EDARADD: variants seen among roughly 807,000 people sequenced by gnomAD.
The protein encoded by EDARADD is ectodysplasin-A receptor-associated adapter protein.
A neutral mutation model predicts 25.6 loss-of-function variants in EDARADD; 20 were observed. The ratio of observed to expected loss-of-function variants is 0.78; its 90% confidence interval spans 0.55 to 1.14. The LOEUF is 1.14. EDARADD is among the 50% of genes most tolerant of loss of function. EDARADD has a pLI of 0.00. For missense variants in EDARADD, 225 were observed against 270.1 expected, an observed-to-expected ratio of 0.83 and a Z score of 1.17; for synonymous variants, 86 against 94.4, an observed-to-expected ratio of 0.91 and a Z score of 0.52.
intron 3 of EDARADD, among the ~76,000 whole-genome samples, chr1:236,357,728 C>T (rs769257183): frequency 3.3e-5 from 5 of 151,922 alleles, no homozygotes; most frequent in Non-Finnish European, 5.9e-5. Context: ...AGAATAGCAC[C>T]GAGACGTGAG....
intron 4 of EDARADD, among the ~76,000 whole-genome samples, chr1:236,428,549 A>G (rs1421398257): frequency 2.8e-5 from 4 of 144,178 alleles, no homozygotes; most frequent in East Asian, 4.0e-4. Context: ...TGGGGCGGCC[A>G]GTCAGAGACA....
chr1:236,399,457 G>T (rs1667577691), intron 1 of EDARADD, among the ~76,000 whole-genome samples: 1 of 152,196 alleles, frequency 6.6e-6, no homozygotes, highest in African/African-American at 2.4e-5. Flanking sequence ...AAAGTGCTGG[G>T]ATTACAGGCA....
intron 4 of EDARADD, among the ~76,000 whole-genome samples, chr1:236,444,675 C>T (rs563983659): frequency 3.3e-4 from 51 of 152,274 alleles, no homozygotes; most frequent in African/African-American, 3.4e-4. Flanking sequence ...CCGCCCAACT[C>T]GGTCTCCCAA....
At chr1:236,363,058 G>T (rs1397558213) in intron 3 of EDARADD, among the ~76,000 whole-genome samples, 1 of 115,140 alleles carries the variant, frequency 8.7e-6, no homozygotes, top group Non-Finnish European at 1.7e-5. Context: ...ACAGAGTCTT[G>T]CTATGTTGCC....
rs1491209791 is a variant in EDARADD at position 236,464,251 on chromosome 1, TTA to T, written c.220-3978_220-3977del. ...AGAGCCCATCACCTTTCTGCAAGTA[TTA>T]TTTTTTTTTTTTTGGAGATGGAGTC... On this transcript the variant is annotated intron_variant, in intron 4 of 5. Coordinates refer to ENST00000334232, the MANE Select transcript of EDARADD (RefSeq NM_145861.4). 5.8e-4 allele frequency among the ~76,000 whole-genome samples: 28 copies of T among 48,566 alleles called. 6 individuals carry two copies. Among genetic ancestry groups the T allele is most frequent in the Admixed American group, 1.1e-3 (5 of 4,604 alleles). The allele number at this position is 48,566 out of a possible 152,430, so 31.9% of individuals were successfully genotyped here. A position where few individuals can be genotyped will look rare whatever the true frequency, so the allele number is the denominator to read the frequency against.
At chr1:236,466,966 C>T (rs1490526932) in intron 4 of EDARADD, among the ~76,000 whole-genome samples, 3 of 151,948 alleles carry the variant, frequency 2.0e-5, no homozygotes, top group Admixed American at 6.6e-5. Flanking sequence ...ACTTGGGAGG[C>T]TGAGGCAGGA....
chr1:236,388,173 CTT>C (rs1185852542), intron 3 of EDARADD, among the ~76,000 whole-genome samples: 3 of 151,942 alleles, frequency 2.0e-5, no homozygotes, highest in Non-Finnish European at 4.4e-5. Context: ...TTTGAACTGT[CTT>C]TTGACCATTT....
chr1:236,467,825 A>C (rs1659257026), intron 4 of EDARADD, among the ~76,000 whole-genome samples: 1 of 151,784 alleles, frequency 6.6e-6, no homozygotes, highest in African/African-American at 2.4e-5. Flanking sequence ...TGTCTCAATC[A>C]TAGCTCACTG....
intron 3 of EDARADD, among the ~76,000 whole-genome samples, chr1:236,378,002 TG>T (rs1335976006): frequency 6.6e-6 from 1 of 152,080 alleles, no homozygotes; most frequent in African/African-American, 2.4e-5. Flanking sequence ...GCTGTTAAGG[TG>T]TCGGGGGAGA....
Position 236,483,007 on chromosome 1 carries a change from G to T in EDARADD, c.*358G>T, listed in dbSNP as rs761943296. ...TAAATAGGTCCTGAGACTGTTGATA[G>T]CCCCAGACATACCCACAGCATTATA... On this transcript the variant is annotated 3_prime_UTR_variant, in exon 6 of 6. Coordinates refer to ENST00000334232, the MANE Select transcript of EDARADD (RefSeq NM_145861.4). 8.1e-6 allele frequency: 5 copies of T among 619,390 alleles called. No homozygotes were observed. Among genetic ancestry groups the T allele is most frequent in the Non-Finnish European group, 5.6e-6 (2 of 354,046 alleles). The allele number at this position is 619,390 out of a possible 1,614,324, so 38.4% of individuals were successfully genotyped here.
intron 1 of EDARADD, among the ~76,000 whole-genome samples, chr1:236,405,773 CTTTCTTTCTTTCTTTCT>C (rs775455757): frequency 0.1 from 6,506 of 65,072 alleles, 543 homozygotes; most frequent in Non-Finnish European, 0.13. Context: ...TTCTTTCTTT[CTTTCTTTCTTTCTTTCT>C]TTTCTTTTTC....
chr1:236,357,634 G>A (rs1032638324), intron 3 of EDARADD, among the ~76,000 whole-genome samples: 11 of 152,030 alleles, frequency 7.2e-5, no homozygotes, highest in African/African-American at 2.7e-4. Context: ...CTTAACATGA[G>A]GAAAGCAGGA....
intron 4 of EDARADD, among the ~76,000 whole-genome samples, chr1:236,459,611 C>CTTTTTT (rs397860471): frequency 3.0e-5 from 3 of 100,460 alleles, no homozygotes; most frequent in Non-Finnish European, 4.1e-5. Flanking sequence ...TTATTTAGCT[C>CTTTTTT]TTTTTTTTTT....
chr1:236,423,561 G>A (rs1472806487), intron 3 of EDARADD, among the ~76,000 whole-genome samples: 1 of 152,170 alleles, frequency 6.6e-6, no homozygotes, highest in East Asian at 1.9e-4. Flanking sequence ...GATCTTGCCT[G>A]CAAAGCCTGT....
In EDARADD at chr1:236,394,544, C is replaced by T. The variant is rs1253730531; in HGVS notation, c.61+39C>T. On this transcript the variant is annotated intron_variant, in intron 1 of 5. Coordinates refer to ENST00000334232, the MANE Select transcript of EDARADD (RefSeq NM_145861.4). ...TGCTGTCTTCCTGGATTTCTCAGAG[C>T]TGAGTTTTTAGCCAGAGGTTGCTTA... 3 of 1,594,422 alleles carry T rather than the reference C, an allele frequency of 1.9e-6. No homozygotes were observed. In the African/African-American group the frequency reaches 4.0e-5, roughly 21 times the overall value.
At position 236,483,980 on chromosome 1, in the gene EDARADD, A is replaced by C; in HGVS notation, c.*1331A>C. 2.9e-6 allele frequency: 4 copies of C among 1,380,288 alleles called. No homozygotes were observed. The highest frequency in any genetic ancestry group is 3.1e-6 in the Non-Finnish European group (3 of 969,256). The allele number at this position is 1,380,288 out of a possible 1,614,324, so 85.5% of individuals were successfully genotyped here. A position where few individuals can be genotyped will look rare whatever the true frequency, so the allele number is the denominator to read the frequency against. On this transcript the variant is annotated 3_prime_UTR_variant, in exon 6 of 6. Transcript: ENST00000334232. ...TCGACGACCCCACCAGGTACATCTC[A>C]CCTGACTGTCTGGCTGACCTGTACA... is the stretch of plus-strand genomic sequence containing the variant.
chr1:236,402,365 C>T (rs1301740119), intron 1 of EDARADD, among the ~76,000 whole-genome samples: 2 of 151,972 alleles, frequency 1.3e-5, no homozygotes, highest in East Asian at 3.9e-4. Context: ...TGAAACCAGC[C>T]TGGGTAACAT....
At chr1:236,426,866 G>C (rs765503058) in intron 3 of EDARADD, among the ~76,000 whole-genome samples, 1 of 152,150 alleles carries the variant, frequency 6.6e-6, no homozygotes, top group Non-Finnish European at 1.5e-5. Context: ...GGATGACAGA[G>C]TGAGACCCTC....
chr1:236,374,017 G>T (rs1432794914), intron 3 of EDARADD, among the ~76,000 whole-genome samples: 1 of 152,006 alleles, frequency 6.6e-6, no homozygotes, highest in African/African-American at 2.4e-5. Flanking sequence ...TTCCACTGTG[G>T]TCTAAGAGCA....
Sources: gnomAD v4.1 joint callset for allele counts (sites outside exome capture counted in the v4.1 genomes callset) on GRCh38, gnomAD v4.1.1 for gene constraint, MANE v1.5 for transcripts, NCBI Gene and HGNC (gene_info 2026-07-23, HGNC 2026-07-21) for gene names.